ANXA4: variants seen among roughly 807,000 people sequenced by gnomAD.
ANXA4 encodes the protein 35-beta calcimedin.
A neutral mutation model predicts 49.8 loss-of-function variants in ANXA4; 39 were observed. The ratio of observed to expected loss-of-function variants is 0.78; its 90% CI spans 0.61 to 1.02. The LOEUF is 1.02. Among genes scored for constraint, ANXA4 ranks in the 50% least tolerant of loss-of-function variants. The pLI is 0.00. For missense variants in ANXA4, 360 were observed against 410.1 expected (o/e 0.88, Z 1.05); for synonymous variants, 134 against 152.5 (o/e 0.88, Z 0.89).
chr2:69,682,825 G>A lies in ANXA4; in HGVS notation n.766+29543G>A, dbSNP rs568961566. 3.3e-5 allele frequency among the ~76,000 whole-genome samples: 5 copies of A among 152,252 alleles called. No homozygotes were observed. In the East Asian group the frequency reaches 9.6e-4, roughly 29 times the overall value. ...ATGTAAGAGTGAACATCTATCTCCA[G>A]GCATGAGAAAGGTCTAGAGAGTTCT... On this transcript the variant is annotated intron_variant and non_coding_transcript_variant, in intron 2 of 3. Transcript: ENST00000418066.
At chr2:69,761,374 A>C (rs563123940) in intron 1 of ANXA4, among the ~76,000 whole-genome samples, 1 of 152,290 alleles carries the variant, frequency 6.6e-6, no homozygotes, top group African/African-American at 2.4e-5. Context: ...ATACTTCAAA[A>C]ATTTTTCCAA....
chr2:69,800,721 T>C (rs1673156344), intron 3 of ANXA4, among the ~76,000 whole-genome samples: 1 of 152,142 alleles, frequency 6.6e-6, no homozygotes, highest in South Asian at 2.1e-4. Context: ...TGGAATGGCA[T>C]GTGCGGAGGT....
chr2:69,656,276 CG>C (rs1559045879), intron 2 of ANXA4, among the ~76,000 whole-genome samples: 1 of 100,946 alleles, frequency 9.9e-6, no homozygotes, highest in East Asian at 5.9e-4. Context: ...TATGTATATA[CG>C]TATATATATA....
intron 1 of ANXA4, among the ~76,000 whole-genome samples, chr2:69,746,642 A>G (rs1670623896): frequency 6.6e-6 from 1 of 152,168 alleles, no homozygotes; most frequent in African/African-American, 2.4e-5. Context: ...TTCTTTTTAA[A>G]GATTCAAGTT....
intron 9 of ANXA4, 123 bp downstream of exon 9, chr2:69,816,317 C>G: frequency 4.2e-6 from 3 of 718,060 alleles, no homozygotes; most frequent in Non-Finnish European, 7.2e-6. Flanking sequence ...ACCCAAGTGT[C>G]TTAGATTCTC....
chr2:69,694,663 G>A (rs533108083), intron 2 of ANXA4, among the ~76,000 whole-genome samples: 52 of 151,084 alleles, frequency 3.4e-4, no homozygotes, highest in Non-Finnish European at 6.8e-4. Flanking sequence ...TGAGAATGAT[G>A]GTTTCCAGCA....
At chr2:69,798,431 A>T (rs889772713) in intron 3 of ANXA4, among the ~76,000 whole-genome samples, 22 of 152,238 alleles carry the variant, frequency 1.4e-4, no homozygotes, top group African/African-American at 5.3e-4. Flanking sequence ...TGGAGATCCT[A>T]TGGCTGACAC....
intron 2 of ANXA4, among the ~76,000 whole-genome samples, chr2:69,717,642 C>CT (rs1197635504): frequency 6.6e-6 from 1 of 152,206 alleles, no homozygotes; most frequent in African/African-American, 2.4e-5. Context: ...CTCCACGTAT[C>CT]TAACTGGAAA....
intron 3 of ANXA4, among the ~76,000 whole-genome samples, chr2:69,791,902 A>G (rs937136690): frequency 1.3e-5 from 2 of 152,248 alleles, no homozygotes; most frequent in Non-Finnish European, 2.9e-5. Context: ...AAAACCCAGC[A>G]TAACAACCTT....
chr2:69,656,551 CTTTTTTTTTTT>C (rs34322550), intron 2 of ANXA4, among the ~76,000 whole-genome samples: 2 of 103,994 alleles, frequency 1.9e-5, no homozygotes, highest in Admixed American at 2.6e-4. Context: ...ACAGTAGTTC[CTTTTTTTTTTT>C]TTTTTTTTGA....
intron 2 of ANXA4, among the ~76,000 whole-genome samples, chr2:69,680,088 C>T (rs1390541347): frequency 6.6e-6 from 1 of 152,084 alleles, no homozygotes; most frequent in Non-Finnish European, 1.5e-5. Flanking sequence ...CTGATTATTG[C>T]TTTGGGTAGT....
intron 2 of ANXA4, among the ~76,000 whole-genome samples, chr2:69,719,219 C>T (rs991286642): frequency 5.3e-5 from 8 of 150,928 alleles, no homozygotes; most frequent in Non-Finnish European, 1.2e-4. Context: ...CTTGCCACAC[C>T]CCCATTTTTA....
At chr2:69,684,312 C>T (rs942781334) in intron 2 of ANXA4, among the ~76,000 whole-genome samples, 3 of 152,102 alleles carry the variant, frequency 2.0e-5, no homozygotes, top group African/African-American at 7.2e-5. Context: ...TACATCTGCC[C>T]GAATGTACAT....
intron 3 of ANXA4, among the ~76,000 whole-genome samples, chr2:69,795,137 A>T (rs537365549): frequency 2.0e-4 from 30 of 152,308 alleles, no homozygotes; most frequent in Admixed American, 3.9e-4. Context: ...TGATTGGGGC[A>T]TAGAGGAAAG....
intron 7 of ANXA4, 26 bp downstream of exon 7, chr2:69,810,699 C>G: frequency 6.3e-7 from 1 of 1,588,604 alleles, no homozygotes; most frequent in Non-Finnish European, 8.6e-7. Context: ...TGATGGGGGG[C>G]GGGTTTTATC....
At chr2:69,802,434 T>C (rs780625116) in intron 3 of ANXA4, among the ~76,000 whole-genome samples, 22 of 152,250 alleles carry the variant, frequency 1.4e-4, no homozygotes, top group Middle Eastern at 3.4e-3. Flanking sequence ...GCTATTGGGC[T>C]GGGTGCAGTG....
At chr2:69,688,928 A>G (rs1254282800) in intron 2 of ANXA4, among the ~76,000 whole-genome samples, 1 of 152,208 alleles carries the variant, frequency 6.6e-6, no homozygotes, top group Non-Finnish European at 1.5e-5. Context: ...TGAAATTTAG[A>G]GACCAAACTC....
intron 2 of ANXA4, among the ~76,000 whole-genome samples, chr2:69,665,531 G>A (rs1264222481): frequency 6.6e-6 from 1 of 152,162 alleles, no homozygotes; most frequent in African/African-American, 2.4e-5. Flanking sequence ...AGAATTGTGG[G>A]TGTTATTTTT....
intron 1 of ANXA4, among the ~76,000 whole-genome samples, chr2:69,745,285 G>T (rs72903062): frequency 2.6e-5 from 4 of 152,144 alleles, no homozygotes; most frequent in South Asian, 2.1e-4. Flanking sequence ...CATAGGCTGG[G>T]TGGCCTTGAT....
Sources: allele counts gnomAD v4.1 joint callset (sites outside exome capture counted in the v4.1 genomes callset), GRCh38; gene constraint gnomAD v4.1.1; transcripts MANE v1.5; gene names NCBI Gene and HGNC (gene_info 2026-07-23, HGNC 2026-07-21).